Variants in TENM1 observed in about 807,000 individuals in gnomAD.
TENM1 encodes teneurin-1.
TENM1 carries 35 observed loss-of-function variants against 174.8 expected under a neutral mutation model. The observed-to-expected ratio is 0.20, with a 90% CI of 0.15 to 0.27. TENM1 has a LOEUF of 0.27. Among genes scored for constraint, TENM1 ranks in the 10% least tolerant of loss-of-function variants. The pLI is 1.00. For missense variants in TENM1, 1,633 were observed against 2,130.1 expected (o/e 0.77, Z 4.59); for synonymous variants, 781 against 798.7 (o/e 0.98, Z 0.37).
At chrX:125,065,356 T>A in the TENM1 span, among the ~76,000 whole-genome samples, 1 of 112,058 alleles carries the variant, frequency 8.9e-6, no homozygotes, top group Non-Finnish European at 1.9e-5. Flanking sequence ...ACCAGAGCAA[T>A]GCTCCTGCTC....
At chrX:125,010,989 A>G in the TENM1 span, among the ~76,000 whole-genome samples, 2 of 111,105 alleles carry the variant, frequency 1.8e-5, no homozygotes, top group Admixed American at 9.6e-5. Context: ...ACAGACATAT[A>G]GGCCAATGGA....
intron 1 of TENM1, among the ~76,000 whole-genome samples, chrX:124,961,467 C>T (rs2058652096): frequency 9.1e-6 from 1 of 110,461 alleles, no homozygotes; most frequent in Non-Finnish European, 1.9e-5. Flanking sequence ...TATGGTGAAA[C>T]CCCATCTCTA....
chrX:125,171,565 G>A, the TENM1 span, among the ~76,000 whole-genome samples: 1 of 109,857 alleles, frequency 9.1e-6, no homozygotes, highest in African/African-American at 3.3e-5. Flanking sequence ...CTCATAAATG[G>A]GATTAGTGCC....
chrX:125,101,667 C>T, the TENM1 span, among the ~76,000 whole-genome samples: 2 of 112,086 alleles, frequency 1.8e-5, no homozygotes, highest in East Asian at 5.6e-4. Flanking sequence ...CTGCCCATTG[C>T]TCCCGATATG....
chrX:124,740,869 T>C (rs2148558420), intron 3 of TENM1, among the ~76,000 whole-genome samples: 1 of 111,551 alleles, frequency 9.0e-6, no homozygotes, highest in African/African-American at 3.3e-5. Flanking sequence ...GCGAGTCACA[T>C]ACACTCACTT....
At chrX:125,082,483 A>G in the TENM1 span, among the ~76,000 whole-genome samples, 1 of 110,995 alleles carries the variant, frequency 9.0e-6, no homozygotes, top group Non-Finnish European at 1.9e-5. Context: ...CTAAAGTCCA[A>G]CCATACTGGC....
At chrX:125,118,656 C>T in the TENM1 span, among the ~76,000 whole-genome samples, 4 of 111,015 alleles carry the variant, frequency 3.6e-5, no homozygotes, top group South Asian at 3.7e-4. Flanking sequence ...ATTAAGCACA[C>T]GAAAAGATGC....
At chrX:124,672,884 G>T (rs777863050) in intron 5 of TENM1, among the ~76,000 whole-genome samples, 38 of 111,841 alleles carry the variant, frequency 3.4e-4, no homozygotes, top group African/African-American at 1.2e-3. Context: ...ACATGTTCAT[G>T]TCTGGAGAAA....
the TENM1 span, among the ~76,000 whole-genome samples, chrX:125,133,292 G>A: frequency 1.7e-3 from 195 of 111,990 alleles, no homozygotes; most frequent in African/African-American, 5.8e-3. Flanking sequence ...GTGAGCCACC[G>A]TGTCCGGCCT....
At chrX:124,766,736 T>C (rs1345216085) in intron 3 of TENM1, among the ~76,000 whole-genome samples, 1 of 111,365 alleles carries the variant, frequency 9.0e-6, no homozygotes, top group African/African-American at 3.3e-5. Context: ...TATACAGGTA[T>C]GATGGTGGTT....
chrX:124,483,956 T>A (rs1439215203), intron 21 of TENM1, among the ~76,000 whole-genome samples: 1 of 112,120 alleles, frequency 8.9e-6, no homozygotes, highest in Non-Finnish European at 1.9e-5. Flanking sequence ...TAGATTTCCT[T>A]AGTTTTTACC....
the TENM1 span, among the ~76,000 whole-genome samples, chrX:125,133,150 C>T: frequency 2.6e-4 from 29 of 110,729 alleles, no homozygotes; most frequent in Admixed American, 4.8e-4. Flanking sequence ...TCTGCCACCA[C>T]GCCTGGCTAA....
chrX:125,189,194 A>G, the TENM1 span, among the ~76,000 whole-genome samples: 1 of 111,910 alleles, frequency 8.9e-6, no homozygotes, highest in African/African-American at 3.3e-5. Flanking sequence ...TTATGACTAG[A>G]GAAGGCCAGT....
At chrX:124,514,329 CA>C (rs201070136) in intron 18 of TENM1, among the ~76,000 whole-genome samples, 12,323 of 110,112 alleles carry the variant, frequency 0.11, 543 homozygotes, top group Middle Eastern at 0.16. Flanking sequence ...AAACAACCCC[CA>C]TCGAAACCCA....
chrX:125,140,810 G>A, the TENM1 span, among the ~76,000 whole-genome samples: 5 of 111,640 alleles, frequency 4.5e-5, no homozygotes, highest in African/African-American at 1.6e-4. Context: ...TCCTACAAAG[G>A]TTTCTGAGCC....
intron 1 of TENM1, among the ~76,000 whole-genome samples, chrX:124,916,071 T>G (rs2057918096): frequency 8.9e-6 from 1 of 111,825 alleles, no homozygotes; most frequent in Non-Finnish European, 1.9e-5. Flanking sequence ...CATGGTGGAA[T>G]GTTTGGCTTA....
chrX:124,795,398 C>G (rs1378716558), intron 3 of TENM1, among the ~76,000 whole-genome samples: 1 of 112,132 alleles, frequency 8.9e-6, no homozygotes, highest in Non-Finnish European at 1.9e-5. Context: ...CTTATAATTC[C>G]TGCATAATTG....
At chrX:124,999,820 G>GT in the TENM1 span, among the ~76,000 whole-genome samples, 2 of 111,477 alleles carry the variant, frequency 1.8e-5, no homozygotes, top group African/African-American at 3.2e-5. Flanking sequence ...TTTCCCTTGA[G>GT]TAAAGGCCCT....
At chrX:124,981,873 G>GAAGCAACCAAGTGAAC in the TENM1 span, among the ~76,000 whole-genome samples, 1 of 82,738 alleles carries the variant, frequency 1.2e-5, no homozygotes, top group Non-Finnish European at 2.2e-5. Flanking sequence ...GCAAAAACAG[G>GAAGCAACCAAGTGAAC]TGCAGCGCAC....
Sources: allele counts gnomAD v4.1 joint callset (sites outside exome capture counted in the v4.1 genomes callset), GRCh38; gene constraint gnomAD v4.1.1; transcripts MANE v1.5; gene names NCBI Gene and HGNC (gene_info 2026-07-23, HGNC 2026-07-21).